ZFHX3: variants seen among roughly 807,000 people sequenced by gnomAD.
ZFHX3 encodes the protein zinc finger homeobox protein 3.
A neutral mutation model predicts 279.1 loss-of-function variants in ZFHX3; 42 were observed. The ratio of observed to expected loss-of-function variants is 0.15; its 90% CI spans 0.12 to 0.19. ZFHX3 has a LOEUF of 0.19. Among genes scored for constraint, ZFHX3 ranks in the 10% least tolerant of loss-of-function variants. The pLI, the probability that ZFHX3 is intolerant of heterozygous loss-of-function variation, is 1.00. For synonymous variants in ZFHX3, 2,293 were observed against 1,957.8 expected, an observed-to-expected ratio of 1.17 and a Z score of -4.52; for missense variants, 4,981 against 4,754.0, an observed-to-expected ratio of 1.05 and a Z score of -1.40.
intron 2 of ZFHX3, among the ~76,000 whole-genome samples, chr16:73,547,211 G>T (rs1596991471): frequency 6.6e-6 from 1 of 151,988 alleles, no homozygotes; most frequent in East Asian, 1.9e-4. Flanking sequence ...CTGCACATCG[G>T]CTATGGTACT....
chr16:73,500,847 T>C (rs1264197640), intron 2 of ZFHX3, among the ~76,000 whole-genome samples: 3 of 152,196 alleles, frequency 2.0e-5, no homozygotes, highest in African/African-American at 7.2e-5. Context: ...GTGAATATAT[T>C]ATTGAAGAAA....
intron 1 of ZFHX3, among the ~76,000 whole-genome samples, chr16:73,789,584 ATAT>A (rs1001196544): frequency 2.6e-5 from 4 of 152,318 alleles, no homozygotes; most frequent in Non-Finnish European, 2.9e-5. Flanking sequence ...GGAATTGCAA[ATAT>A]TATTATTATT....
At chr16:72,872,092 A>G (rs61344899) in intron 4 of ZFHX3, among the ~76,000 whole-genome samples, 47,953 of 86,512 alleles carry the variant, frequency 0.55, 8,197 homozygotes, top group South Asian at 0.64. Context: ...CTCTGTCTCC[A>G]AAAACAAAAA....
intron 5 of ZFHX3, among the ~76,000 whole-genome samples, chr16:72,815,507 T>C (rs912989441): frequency 6.6e-6 from 1 of 152,136 alleles, no homozygotes; most frequent in African/African-American, 2.4e-5. Flanking sequence ...AAGTTTCTTC[T>C]CTCTGAACAG....
In ZFHX3 at chr16:73,779,414, T is replaced by G. The variant is rs539248116; in HGVS notation, c.-1607-99174A>C. Among the ~76,000 whole-genome samples, 19 of 109,974 alleles carry G rather than the reference T, an allele frequency of 1.7e-4. 1 individual carries two copies. The highest frequency in any genetic ancestry group is 9.3e-3 in the Middle Eastern group (2 of 216). The allele number at this position is 109,974 out of a possible 152,430, so 72.1% of individuals were successfully genotyped here. On this transcript the variant is annotated intron_variant, in intron 1 of 17. Coordinates refer to the ZFHX3 transcript ENST00000641206. The stretch of plus-strand genomic sequence containing the variant: ...ATGAAGAAAGAGGAGGAGGAGGTGG[T>G]GGTGTTTCATTCTAGTATGGAATCA...
At chr16:72,845,693 C>A (rs896453373) in intron 4 of ZFHX3, among the ~76,000 whole-genome samples, 1 of 152,196 alleles carries the variant, frequency 6.6e-6, no homozygotes, top group Non-Finnish European at 1.5e-5. Flanking sequence ...GACGACTTTC[C>A]CTTTCTCCTG....
At chr16:73,199,259 T>C (rs1266438814) in intron 5 of ZFHX3, among the ~76,000 whole-genome samples, 2 of 152,170 alleles carry the variant, frequency 1.3e-5, no homozygotes. Context: ...TACACTTAGG[T>C]ATCCAGAGTA....
intron 3 of ZFHX3, among the ~76,000 whole-genome samples, chr16:73,351,349 G>C (rs937258181): frequency 6.6e-6 from 1 of 152,168 alleles, no homozygotes; most frequent in Non-Finnish European, 1.5e-5. Flanking sequence ...CAAACACACT[G>C]GTCCAACAGA....
intron 2 of ZFHX3, among the ~76,000 whole-genome samples, chr16:73,606,993 A>AAACAACAACAACAAC (rs58670861): frequency 6.6e-6 from 1 of 151,370 alleles, no homozygotes; most frequent in African/African-American, 2.4e-5. Context: ...ACAAACAAAC[A>AAACAACAACAACAAC]AACAACAACA....
chr16:73,098,648 C>T (rs1004643764), intron 7 of ZFHX3: 1 of 152,348 alleles, frequency 6.6e-6, no homozygotes, highest in African/African-American at 2.4e-5. Context: ...AGGCGTGAGC[C>T]ACTGCACCTG....
At chr16:73,398,335 A>G (rs2017173033) in intron 3 of ZFHX3, among the ~76,000 whole-genome samples, 2 of 152,220 alleles carry the variant, frequency 1.3e-5, no homozygotes, top group African/African-American at 4.8e-5. Flanking sequence ...AAAAGTGTCT[A>G]GCAGACATTT....
intron 3 of ZFHX3, among the ~76,000 whole-genome samples, chr16:72,923,605 C>G (rs1345408759): frequency 6.6e-6 from 1 of 151,898 alleles, no homozygotes; most frequent in Non-Finnish European, 1.5e-5. Flanking sequence ...CGTCTCTGAG[C>G]CTGTTTTATA....
chr16:73,115,496 A>G (rs1181932863), intron 7 of ZFHX3, among the ~76,000 whole-genome samples: 10 of 151,808 alleles, frequency 6.6e-5, no homozygotes, highest in Non-Finnish European at 1.5e-5. Flanking sequence ...GCTGCAGTGA[A>G]CCGGGATCAT....
intron 2 of ZFHX3, 90 bp from the exon 3 acceptor site, chr16:72,951,055 A>G (rs983374613): frequency 2.6e-6 from 4 of 1,513,810 alleles, no homozygotes; most frequent in Non-Finnish European, 3.5e-6. Context: ...GCCACCCTCA[A>G]CTGGGGTCCA....
intron 1 of ZFHX3, among the ~76,000 whole-genome samples, chr16:73,746,840 T>G (rs775808678): frequency 1.2e-4 from 18 of 152,312 alleles, no homozygotes; most frequent in Non-Finnish European, 2.4e-4. Flanking sequence ...AGTCTAAACT[T>G]TCCTACTATT....
chr16:72,882,100 C>A (rs1324921647), intron 4 of ZFHX3, among the ~76,000 whole-genome samples: 1 of 152,018 alleles, frequency 6.6e-6, no homozygotes, highest in Admixed American at 6.6e-5. Context: ...ATGCTCACCC[C>A]TCAACAAATG....
At chr16:73,624,851 A>G (rs1048023561) in intron 2 of ZFHX3, among the ~76,000 whole-genome samples, 1 of 152,170 alleles carries the variant, frequency 6.6e-6, no homozygotes, top group Non-Finnish European at 1.5e-5. Context: ...CTTCATGCTC[A>G]AAGATGCTTC....
intron 3 of ZFHX3, among the ~76,000 whole-genome samples, chr16:73,372,799 G>A: frequency 6.6e-6 from 1 of 152,104 alleles, no homozygotes; most frequent in African/African-American, 2.4e-5. Context: ...TTCTTTAGTA[G>A]GACCGACACA....
chr16:72,950,453 A>G lies in ZFHX3; in HGVS notation c.3216+16T>C, dbSNP rs1291664856. 1.9e-6 allele frequency: 3 copies of G among 1,606,738 alleles called. No homozygotes were observed. Among genetic ancestry groups the G allele is most frequent in the African/African-American group, 1.3e-5 (1 of 74,746 alleles). On this transcript the variant is annotated intron_variant, in intron 3 of 9. Coordinates refer to ENST00000268489, the MANE Select transcript of ZFHX3 (RefSeq NM_006885.4). Reference sequence around the variant, plus strand: ...TTTCAGAAAGAGCGCCTGAGCCATAAGGAGCTGGGCCTTACCTTGTACAAC... The same window carrying G: ...TTTCAGAAAGAGCGCCTGAGCCATAGGGAGCTGGGCCTTACCTTGTACAAC...
Sources: gnomAD v4.1 joint callset for allele counts (sites outside exome capture counted in the v4.1 genomes callset) on GRCh38, gnomAD v4.1.1 for gene constraint, MANE v1.5 for transcripts, NCBI Gene and HGNC (gene_info 2026-07-23, HGNC 2026-07-21) for gene names.